Variants in DOCK1 observed in about 807,000 individuals in gnomAD.
DOCK1 encodes the protein dedicator of cytokinesis 1, also known as dedicator of cytokinesis protein 1.
DOCK1 carries 138 observed loss-of-function variants against 262.7 expected under a neutral mutation model. That is an observed-to-expected ratio of 0.53 (90% CI 0.46 to 0.61). The LOEUF (loss-of-function observed/expected upper bound fraction) is 0.61, where lower values mean the gene tolerates loss of function less well. DOCK1 is among the 20% of genes least tolerant of loss of function. DOCK1 has a pLI of 0.00. For missense variants in DOCK1, 1,908 were observed against 2,370.7 expected, an observed-to-expected ratio of 0.80 and a Z score of 4.05; for synonymous variants, 866 against 867.4, an observed-to-expected ratio of 1.00 and a Z score of 0.03.
chr10:127,393,335 T>C (rs2066610800), intron 38 of DOCK1, among the ~76,000 whole-genome samples: 1 of 152,222 alleles, frequency 6.6e-6, no homozygotes, highest in Non-Finnish European at 1.5e-5. Flanking sequence ...TGATCCAGCC[T>C]GTCTCCTCGT....
rs141334933 is a variant in DOCK1, at chr10:126,920,027, G to A, written c.46+14464G>A. Among the ~76,000 whole-genome samples the A allele has an allele frequency of 9.2e-5, 14 of 152,258 alleles. 1 individual carries two copies. The East Asian group carries it at 2.7e-3, about 29-fold the overall frequency. ...TCAGCTCGAGAATGCAGTGGGTGACGGGGTCAGCAGCCCTAAAACTCCCTC... is the reference window on the plus strand; with the variant it reads ...TCAGCTCGAGAATGCAGTGGGTGACAGGGTCAGCAGCCCTAAAACTCCCTC... On this transcript the variant is annotated intron_variant, in intron 1 of 51. Coordinates refer to ENST00000623213, the MANE Select transcript of DOCK1 (RefSeq NM_001290223.2).
chr10:127,345,080 G>A (rs2135772152), intron 31 of DOCK1, among the ~76,000 whole-genome samples: 1 of 152,272 alleles, frequency 6.6e-6, no homozygotes, highest in Non-Finnish European at 1.5e-5. Flanking sequence ...ATACCGTATG[G>A]CCGATGTGTG....
chr10:127,154,213 T>C (rs1057393705), intron 27 of DOCK1, among the ~76,000 whole-genome samples: 3 of 152,246 alleles, frequency 2.0e-5, no homozygotes, highest in African/African-American at 7.2e-5. Context: ...GATGTTTCAA[T>C]GCAGATTTAT....
At chr10:127,107,936 A>G (rs980262137) in intron 24 of DOCK1, among the ~76,000 whole-genome samples, 2 of 152,074 alleles carry the variant, frequency 1.3e-5, no homozygotes, top group African/African-American at 4.8e-5. Context: ...GCCTGTCCTC[A>G]CTGTACGCAC....
chr10:127,105,499 G>A (rs1324758780), intron 23 of DOCK1, among the ~76,000 whole-genome samples: 3 of 152,220 alleles, frequency 2.0e-5, no homozygotes, highest in Admixed American at 2.0e-4. Flanking sequence ...AACAAAGACA[G>A]TTGACTTTAA....
intron 21 of DOCK1, among the ~76,000 whole-genome samples, chr10:127,045,217 A>G (rs1188094999): frequency 1.4e-5 from 2 of 146,230 alleles, no homozygotes; most frequent in East Asian, 2.1e-4. Context: ...AAAAAAAAAA[A>G]AAAAAAAAGG....
At chr10:127,300,260 AGGCTTCTTTCGCGCTGCCTCTCCTGTGC>A (rs2061636355) in intron 29 of DOCK1, among the ~76,000 whole-genome samples, 1 of 152,194 alleles carries the variant, frequency 6.6e-6, no homozygotes, top group Non-Finnish European at 1.5e-5. Context: ...ACAGATTAGA[AGGCTTCTTTCGCGCTGCCTCTCCTGTGC>A]GGCTTCTCTC....
intron 29 of DOCK1, among the ~76,000 whole-genome samples, chr10:127,279,292 G>C (rs1564960067): frequency 6.6e-6 from 1 of 152,172 alleles, no homozygotes; most frequent in African/African-American, 2.4e-5. Flanking sequence ...TACTTTACAA[G>C]TACCATTTTA....
chr10:127,368,277 C>G (rs11599814), intron 33 of DOCK1, among the ~76,000 whole-genome samples: 13,870 of 152,280 alleles, frequency 0.091, 707 homozygotes, highest in African/African-American at 0.15. Flanking sequence ...TCTTTTGTCT[C>G]TGGGTGCTCC....
At chr10:127,017,232 C>T (rs1280637105) in intron 12 of DOCK1, among the ~76,000 whole-genome samples, 5 of 149,824 alleles carry the variant, frequency 3.3e-5, no homozygotes, top group Non-Finnish European at 3.0e-5. Flanking sequence ...AACACAGACA[C>T]ACACAGATAC....
At chr10:127,024,812 T>A (rs767886136) in intron 15 of DOCK1, 29 bp downstream of exon 15, 2 of 1,538,724 alleles carry the variant, frequency 1.3e-6, no homozygotes, top group African/African-American at 2.7e-5. Context: ...TTTTATCACA[T>A]GGCGCTGATT....
intron 1 of DOCK1, among the ~76,000 whole-genome samples, chr10:126,929,946 C>A (rs2034061874): frequency 1.3e-5 from 2 of 152,314 alleles, no homozygotes; most frequent in South Asian, 4.1e-4. Context: ...AAGCCATGTA[C>A]CCATTTAGCA....
intron 23 of DOCK1, among the ~76,000 whole-genome samples, chr10:127,069,252 C>T (rs536785750): frequency 2.6e-5 from 4 of 152,100 alleles, no homozygotes; most frequent in African/African-American, 4.8e-5. Context: ...GTGGATGAGT[C>T]GGGAGCCACT....
Position 127,378,197 on chromosome 10 carries a change from GC to G in DOCK1, c.3676-1881del, listed in dbSNP as rs532268974. On this transcript the variant is annotated intron_variant, in intron 35 of 51. Transcript: ENST00000623213. ...CACATGCCAGTTACTTCTCTTCATA[GC>G]CCCTTGGCAAGGCTAATTAAATGCA... is the stretch of plus-strand genomic sequence containing the variant. Among the ~76,000 whole-genome samples the G allele has an allele frequency of 6.6e-5, 10 of 152,208 alleles. No homozygotes were observed. The South Asian group carries it at 1.7e-3, about 25-fold the overall frequency.
rs1046305693 is a variant in DOCK1, at chr10:127,440,719, G to A, written c.5259+1494G>A. On this transcript the variant is annotated intron_variant, in intron 49 of 51. Transcript: ENST00000623213. The stretch of plus-strand genomic sequence containing the variant: ...GCAAACGCCCCAGCCATGACTTGAC[G>A]TCCAACAGGCCAGCGCTGCTCTGCG... Among the ~76,000 whole-genome samples, 7 of 152,320 alleles carry A rather than the reference G, an allele frequency of 4.6e-5. No homozygotes were observed. In the East Asian group the frequency reaches 7.7e-4, roughly 17 times the overall value.
intron 27 of DOCK1, among the ~76,000 whole-genome samples, chr10:127,166,571 G>T (rs1239638804): frequency 6.6e-6 from 1 of 152,180 alleles, no homozygotes; most frequent in Admixed American, 6.5e-5. Flanking sequence ...TTACTCTAAA[G>T]ATTAAAGAAG....
rs762446778 is a variant in DOCK1 at position 127,061,649 on chromosome 10, T to A, written c.2337-19T>A. ...AGGTGTTTCTGCCAGGCCCCCACAG[T>A]TTGTGTGTTTCTTTGCAGACTGTAT... is the stretch of plus-strand genomic sequence containing the variant. On this transcript the variant is annotated intron_variant, in intron 22 of 51. Coordinates refer to ENST00000623213, the MANE Select transcript of DOCK1 (RefSeq NM_001290223.2). The A allele has an allele frequency of 4.4e-6, 7 of 1,578,818 alleles. No individual in the cohort carries two copies. The African/African-American group carries it at 6.7e-5, about 15-fold the overall frequency.
chr10:127,243,517 A>C (rs1371866591), intron 27 of DOCK1, among the ~76,000 whole-genome samples: 1 of 151,410 alleles, frequency 6.6e-6, no homozygotes, highest in South Asian at 2.1e-4. Context: ...GCTCAATTCC[A>C]CCTGCCCTTC....
At chr10:127,260,683 G>C (rs563672817) in intron 29 of DOCK1, among the ~76,000 whole-genome samples, 1 of 149,036 alleles carries the variant, frequency 6.7e-6, no homozygotes, top group Non-Finnish European at 1.5e-5. Flanking sequence ...GTGTGCATGT[G>C]GGTGTGTGTG....
Sources: gnomAD v4.1 joint callset for allele counts (sites outside exome capture counted in the v4.1 genomes callset) on GRCh38, gnomAD v4.1.1 for gene constraint, MANE v1.5 for transcripts, NCBI Gene and HGNC (gene_info 2026-07-23, HGNC 2026-07-21) for gene names.